The following RORA variants were observed in gnomAD, a reference collection of about 807,000 sequenced individuals.
RORA encodes RAR related orphan receptor A, also known as nuclear receptor ROR-alpha.
Under a neutral mutation model 69.5 loss-of-function variants are expected in RORA, and 7 were observed. That is an observed-to-expected ratio of 0.10 (90% confidence interval 0.06 to 0.19). RORA has a LOEUF of 0.19. Among genes scored for constraint, RORA ranks in the 10% least tolerant of loss-of-function variants. RORA has a pLI of 1.00. For missense variants in RORA, 457 were observed against 663.0 expected, an observed-to-expected ratio of 0.69 and a Z score of 3.41; for synonymous variants, 261 against 240.8, an observed-to-expected ratio of 1.08 and a Z score of -0.78.
chr15:60,526,730 G>A (rs2066369698), intron 3 of RORA, among the ~76,000 whole-genome samples: 1 of 152,154 alleles, frequency 6.6e-6, no homozygotes, highest in Admixed American at 6.5e-5. Flanking sequence ...ATAAAAATGA[G>A]CATGAATGTA....
chr15:60,535,288 C>T (rs759227551), intron 2 of RORA, among the ~76,000 whole-genome samples: 4 of 152,208 alleles, frequency 2.6e-5, no homozygotes, highest in Non-Finnish European at 5.9e-5. Flanking sequence ...GAGCAAGATG[C>T]GCACATATAA....
chr15:60,963,397 G>T (rs550257858), intron 1 of RORA, among the ~76,000 whole-genome samples: 1 of 152,336 alleles, frequency 6.6e-6, no homozygotes, highest in Non-Finnish European at 1.5e-5. Flanking sequence ...GATGAGGAAT[G>T]ATGGAGGTGG....
chr15:60,999,545 T>C (rs1247641962), intron 1 of RORA, among the ~76,000 whole-genome samples: 1 of 152,252 alleles, frequency 6.6e-6, no homozygotes, highest in East Asian at 1.9e-4. Context: ...CTTTTAGACA[T>C]GCCCTTCATT....
rs7164033 is a variant in RORA at position 61,118,921 on chromosome 15, G to C, written c.166+110132C>G. The stretch of plus-strand genomic sequence containing the variant: ...TGTCATGTGAAACAAAGATGGCCCT[G>C]ACTACCATGTACTGGGCGACCTATA... On this transcript the variant is annotated intron_variant, in intron 1 of 10. Transcript: ENST00000335670. Among the ~76,000 whole-genome samples, 645 of 152,242 alleles carry C rather than the reference G, an allele frequency of 4.2e-3. 5 individuals are homozygous for C. The highest frequency in any genetic ancestry group is 0.02 in the Middle Eastern group (6 of 294).
At chr15:60,928,738 T>A (rs1892288538) in intron 1 of RORA, among the ~76,000 whole-genome samples, 1 of 152,158 alleles carries the variant, frequency 6.6e-6, no homozygotes, top group Non-Finnish European at 1.5e-5. Context: ...GAGTTAGGAC[T>A]GTGCTGGGAG....
chr15:60,980,683 C>A (rs1023946892), intron 1 of RORA, among the ~76,000 whole-genome samples: 3 of 151,972 alleles, frequency 2.0e-5, no homozygotes, highest in Non-Finnish European at 4.4e-5. Flanking sequence ...TCATTATATT[C>A]TCTTAAAATC....
At chr15:61,114,819 T>C (rs2079036007) in intron 1 of RORA, among the ~76,000 whole-genome samples, 1 of 152,190 alleles carries the variant, frequency 6.6e-6, no homozygotes, top group South Asian at 2.1e-4. Flanking sequence ...CACACAGACA[T>C]GGTCAGGACA....
chr15:61,015,712 C>G (rs561351615), intron 1 of RORA, among the ~76,000 whole-genome samples: 8 of 152,282 alleles, frequency 5.3e-5, no homozygotes, highest in Admixed American at 4.6e-4. Context: ...GATCACAGAT[C>G]TGTTTTTAAA....
intron 1 of RORA, among the ~76,000 whole-genome samples, chr15:60,828,567 C>A (rs1384122): frequency 6.6e-6 from 1 of 151,962 alleles, no homozygotes; most frequent in Non-Finnish European, 1.5e-5. Context: ...AGCCCCCACA[C>A]AGGGGAGAGT....
chr15:61,085,216 C>T (rs2078604994), intron 1 of RORA, among the ~76,000 whole-genome samples: 3 of 152,214 alleles, frequency 2.0e-5, no homozygotes, highest in African/African-American at 4.8e-5. Flanking sequence ...CATGTGGGGA[C>T]ATCAGTCCCA....
intron 1 of RORA, among the ~76,000 whole-genome samples, chr15:61,019,901 AG>A (rs938668096): frequency 6.6e-6 from 1 of 152,072 alleles, no homozygotes; most frequent in African/African-American, 2.4e-5. Context: ...CTTCTCAAAA[AG>A]CTTCTTCTGA....
At chr15:60,994,235 T>A (rs1894463597) in intron 1 of RORA, among the ~76,000 whole-genome samples, 2 of 152,232 alleles carry the variant, frequency 1.3e-5, no homozygotes, top group Non-Finnish European at 2.9e-5. Context: ...CAGAAGTGAA[T>A]GGCACTAATC....
intron 2 of RORA, among the ~76,000 whole-genome samples, chr15:60,621,949 G>C (rs982561100): frequency 3.3e-5 from 5 of 152,124 alleles, no homozygotes; most frequent in African/African-American, 1.2e-4. Flanking sequence ...TCAGGAGGCT[G>C]AGGCAGGAGA....
intron 1 of RORA, among the ~76,000 whole-genome samples, chr15:61,219,497 C>T (rs1201258832): frequency 6.6e-6 from 1 of 152,122 alleles, no homozygotes; most frequent in African/African-American, 2.4e-5. Flanking sequence ...ATGGCGTGAA[C>T]CCAGGAGGCG....
chr15:60,847,178 G>T (rs941854425), intron 1 of RORA, among the ~76,000 whole-genome samples: 7 of 152,096 alleles, frequency 4.6e-5, no homozygotes, highest in African/African-American at 1.7e-4. Flanking sequence ...TGAATAAATG[G>T]CCCTATCTAT....
At chr15:60,896,241 C>T (rs887715545) in intron 1 of RORA, among the ~76,000 whole-genome samples, 1 of 152,232 alleles carries the variant, frequency 6.6e-6, no homozygotes, top group Non-Finnish European at 1.5e-5. Flanking sequence ...GATGGTCACA[C>T]TCTTCTTTGT....
At chr15:61,158,212 GA>G (rs2079462873) in intron 1 of RORA, among the ~76,000 whole-genome samples, 1 of 152,154 alleles carries the variant, frequency 6.6e-6, no homozygotes, top group South Asian at 2.1e-4. Context: ...TGGAGTGCTC[GA>G]AGTGACAGTG....
At chr15:60,524,284 A>G (rs1248820432) in intron 3 of RORA, among the ~76,000 whole-genome samples, 2 of 152,106 alleles carry the variant, frequency 1.3e-5, no homozygotes, top group African/African-American at 4.8e-5. Flanking sequence ...CATTCCCTCC[A>G]ATCCATTTCA....
chr15:60,510,815 A>C (rs1181222250), intron 5 of RORA, among the ~76,000 whole-genome samples: 1 of 152,222 alleles, frequency 6.6e-6, no homozygotes, highest in African/African-American at 2.4e-5. Context: ...AAAAATTTTA[A>C]AACTCTGCCC....
Sources: gnomAD v4.1 joint callset for allele counts (sites outside exome capture counted in the v4.1 genomes callset) on GRCh38, gnomAD v4.1.1 for gene constraint, MANE v1.5 for transcripts, NCBI Gene and HGNC (gene_info 2026-07-23, HGNC 2026-07-21) for gene names.